LAMP2: variants seen among roughly 807,000 people sequenced by gnomAD.
LAMP2 encodes the protein lysosome associated membrane protein 2.
Under a neutral mutation model 25.6 loss-of-function variants are expected in LAMP2, and 4 were observed. The ratio of observed to expected loss-of-function variants is 0.16; its 90% CI spans 0.08 to 0.36. The LOEUF (loss-of-function observed/expected upper bound fraction) is 0.36. LAMP2 is among the 10% of genes least tolerant of loss of function. LAMP2 has a pLI of 1.00. For missense variants in LAMP2, 272 were observed against 301.4 expected (o/e 0.90, Z 0.72); for synonymous variants, 108 against 112.7 (o/e 0.96, Z 0.27).
At chrX:120,465,644 TAG>T (rs1201281286) in intron 1 of LAMP2, among the ~76,000 whole-genome samples, 1 of 111,909 alleles carries the variant, frequency 8.9e-6, no homozygotes, top group Non-Finnish European at 1.9e-5. Flanking sequence ...GAAGCTGGGA[TAG>T]AGTTATAAAG....
At chrX:120,439,491 CT>C (rs1245273720) in intron 8 of LAMP2, among the ~76,000 whole-genome samples, 1 of 105,091 alleles carries the variant, frequency 9.5e-6, no homozygotes, top group Non-Finnish European at 1.9e-5. Context: ...TTTCTTTGTC[CT>C]TTCATTTGTT....
chrX:120,429,258 G>A lies in LAMP2; in HGVS notation c.*2065C>T, dbSNP rs924491995. ...CTAATGCGTTGCAGTCCATTCCACC[G>A]AACCACCAGGAAAGCAACATGTGCA... On this transcript the variant is annotated 3_prime_UTR_variant, in exon 9 of 9. Transcript: ENST00000200639. 20 of 745,028 alleles carry A rather than the reference G, an allele frequency of 2.7e-5. No homozygotes were observed. Among genetic ancestry groups the A allele is most frequent in the Non-Finnish European group, 3.0e-5 (19 of 638,168 alleles). 61.4% of individuals were successfully genotyped at this position (745,028 alleles called of 1,213,427 possible).
At chrX:120,458,140 T>C (rs1436850820) in intron 1 of LAMP2, among the ~76,000 whole-genome samples, 1 of 111,887 alleles carries the variant, frequency 8.9e-6, no homozygotes, top group East Asian at 2.8e-4. Flanking sequence ...CAAGGCTCCC[T>C]GCCATGGAGC....
intron 1 of LAMP2, among the ~76,000 whole-genome samples, chrX:120,462,040 T>A (rs1921332938): frequency 1.8e-5 from 2 of 111,910 alleles, no homozygotes; most frequent in Admixed American, 1.9e-4. Context: ...GATTTTACAA[T>A]ACCCAATTTT....
In LAMP2 at chrX:120,435,555, T is replaced by G. The variant is rs762115098; in HGVS notation, c.1094-4093A>C. 1.2e-4 allele frequency among the ~76,000 whole-genome samples: 13 copies of G among 112,456 alleles called. No individual in the cohort carries two copies. In the South Asian group the frequency reaches 4.8e-3, roughly 41 times the overall value. On this transcript the variant is annotated intron_variant, in intron 8 of 8. Coordinates refer to ENST00000200639, the MANE Select transcript of LAMP2 (RefSeq NM_002294.3). ...GAACTTATAGTATGTTCTTGATACGTAACAAGTAGCTTATCAGATTCCTTC... is the reference window on the plus strand; with the variant it reads ...GAACTTATAGTATGTTCTTGATACGGAACAAGTAGCTTATCAGATTCCTTC...
At position 120,431,104 on chromosome X, in the gene LAMP2, A is replaced by G; in HGVS notation, c.*219T>C. 2.9e-6 allele frequency: 3 copies of G among 1,029,364 alleles called. No individual in the cohort carries two copies. The highest frequency in any genetic ancestry group is 2.5e-6 in the Non-Finnish European group (2 of 804,045). 84.8% of individuals were successfully genotyped at this position (1,029,364 alleles called of 1,213,427 possible). On this transcript the variant is annotated 3_prime_UTR_variant, in exon 9 of 9. Transcript: ENST00000200639. Reference sequence around the variant, plus strand: ...ATTGCACGTTGATGTTCTTTTGAACAAGTTTGTCTCCAGGACCAGTAAATA... The same window carrying G: ...ATTGCACGTTGATGTTCTTTTGAACGAGTTTGTCTCCAGGACCAGTAAATA...
chrX:120,453,795 G>A (rs991162016), intron 3 of LAMP2, among the ~76,000 whole-genome samples: 1 of 112,253 alleles, frequency 8.9e-6, no homozygotes, highest in African/African-American at 3.2e-5. Flanking sequence ...GCGACAGAGC[G>A]AGACTCCAGC....
At chrX:120,454,451 T>C (rs1200524253) in intron 3 of LAMP2, among the ~76,000 whole-genome samples, 1 of 110,320 alleles carries the variant, frequency 9.1e-6, no homozygotes, top group Non-Finnish European at 1.9e-5. Flanking sequence ...CTTTTACACA[T>C]TTAAAATAGC....
chrX:120,464,519 G>A (rs900066279), intron 1 of LAMP2, among the ~76,000 whole-genome samples: 3 of 111,317 alleles, frequency 2.7e-5, no homozygotes, highest in Non-Finnish European at 5.7e-5. Context: ...ACAAAAAAGC[G>A]TGGAAAATAG....
At chrX:120,460,002 T>C (rs1260104110) in intron 1 of LAMP2, among the ~76,000 whole-genome samples, 1 of 111,888 alleles carries the variant, frequency 8.9e-6, no homozygotes, top group Non-Finnish European at 1.9e-5. Flanking sequence ...TAAGGAGGGC[T>C]GGGCATGGTG....
chrX:120,430,015 C>G lies in LAMP2; in HGVS notation c.*1308G>C, dbSNP rs953856280. The G allele has an allele frequency of 5.3e-6, 4 of 752,699 alleles. No homozygotes were observed. The African/African-American group carries it at 9.2e-5, about 17-fold the overall frequency. The allele number at this position is 752,699 out of a possible 1,213,427, so 62.0% of individuals were successfully genotyped here. On this transcript the variant is annotated 3_prime_UTR_variant, in exon 9 of 9. Transcript: ENST00000200639. The stretch of plus-strand genomic sequence containing the variant: ...CTCATCTCAGTAACCACACATTAGC[C>G]TATGCTGAAAGAATTTACTATATTT...
chrX:120,461,809 T>A (rs1921323198), intron 1 of LAMP2, among the ~76,000 whole-genome samples: 1 of 112,162 alleles, frequency 8.9e-6, no homozygotes, highest in Non-Finnish European at 1.9e-5. Context: ...CATAGCTTAA[T>A]CTAATTACAG....
chrX:120,433,620 AC>A (rs2058531636), intron 8 of LAMP2, among the ~76,000 whole-genome samples: 2 of 111,707 alleles, frequency 1.8e-5, no homozygotes, highest in African/African-American at 6.5e-5. Context: ...CCTCAGTTTA[AC>A]CAGGAAAAGA....
intron 6 of LAMP2, among the ~76,000 whole-genome samples, chrX:120,443,137 C>T (rs1448333096): frequency 8.9e-6 from 1 of 111,875 alleles, no homozygotes; most frequent in Non-Finnish European, 1.9e-5. Flanking sequence ...TTCAATCCTG[C>T]CTTCACCCTG....
At position 120,429,128 on chromosome X, in the gene LAMP2, A is replaced by ATG. The variant is rs1207970317; in HGVS notation, c.*2193_*2194dup. ...TATATATATGTATATGTGTATATAT[A>ATG]TGTGTGTGTGTATATATATGTGTGT... is the stretch of plus-strand genomic sequence containing the variant. On this transcript the variant is annotated 3_prime_UTR_variant, in exon 9 of 9. Transcript: ENST00000200639. 8 of 650,421 alleles carry ATG rather than the reference A, an allele frequency of 1.2e-5. No homozygotes were observed. Among genetic ancestry groups the ATG allele is most frequent in the Non-Finnish European group, 1.5e-5 (8 of 547,917 alleles). The allele number at this position is 650,421 out of a possible 1,213,427, so 53.6% of individuals were successfully genotyped here. A position where few individuals can be genotyped will look rare whatever the true frequency, so the allele number is the denominator to read the frequency against.
At chrX:120,466,669 T>G (rs1288908687) in intron 1 of LAMP2, among the ~76,000 whole-genome samples, 1 of 111,413 alleles carries the variant, frequency 9.0e-6, no homozygotes, top group Non-Finnish European at 1.9e-5. Context: ...CACAGAGGTT[T>G]ATGTGAGTCA....
chrX:120,442,681 C>A lies in LAMP2; in HGVS notation c.865-19G>T. On this transcript the variant is annotated intron_variant, in intron 6 of 8. Transcript: ENST00000200639. ...CATTTTTCTGTTTGAAAAAGAGCTTCCAGTTAATTAACATTTCACAACTGT... is the reference window on the plus strand; with the variant it reads ...CATTTTTCTGTTTGAAAAAGAGCTTACAGTTAATTAACATTTCACAACTGT... The A allele has an allele frequency of 1.7e-6, 2 of 1,152,516 alleles. No individual in the cohort carries two copies. Among genetic ancestry groups the A allele is most frequent in the Non-Finnish European group, 2.4e-6 (2 of 841,889 alleles). The allele number at this position is 1,152,516 out of a possible 1,213,427, so 95.0% of individuals were successfully genotyped here.
chrX:120,447,818 T>C (rs754867688), intron 5 of LAMP2, 23 bp downstream of exon 5: 76 of 1,168,302 alleles, frequency 6.5e-5, no homozygotes, highest in Admixed American at 1.8e-4. Flanking sequence ...AAAGGATGTA[T>C]TGATAAAGAT....
At position 120,438,960 on chromosome X, in the gene LAMP2, T is replaced by C. The variant is rs1449786088; in HGVS notation, c.1093+2770A>G. 5 of 1,036,779 alleles carry C rather than the reference T, an allele frequency of 4.8e-6. No homozygotes were observed. The Admixed American group carries it at 1.7e-4, about 34-fold the overall frequency. 85.4% of individuals were successfully genotyped at this position (1,036,779 alleles called of 1,213,427 possible). On this transcript the variant is annotated intron_variant, in intron 8 of 8. Transcript: ENST00000200639. The stretch of plus-strand genomic sequence containing the variant: ...TTGCTGTAAAAATAACAGTTTTAAA[T>C]TCCTTGGTTGGAAAAACCAAAGTCA...
Sources: gnomAD v4.1 joint callset for allele counts (sites outside exome capture counted in the v4.1 genomes callset) on GRCh38, gnomAD v4.1.1 for gene constraint, MANE v1.5 for transcripts, NCBI Gene and HGNC (gene_info 2026-07-23, HGNC 2026-07-21) for gene names.